MPPED2: variants seen among roughly 807,000 people sequenced by gnomAD.
MPPED2 encodes the protein metallophosphoesterase domain containing 2.
In MPPED2, 5 loss-of-function variants were observed where a neutral mutation model predicts 33.0. The ratio of observed to expected loss-of-function variants is 0.15; its 90% CI spans 0.08 to 0.32. The LOEUF (loss-of-function observed/expected upper bound fraction) is 0.32, where lower values mean the gene tolerates loss of function less well. Among genes scored for constraint, MPPED2 ranks in the 10% least tolerant of loss-of-function variants. The pLI, the probability that MPPED2 is intolerant of heterozygous loss-of-function variation, is 1.00. For synonymous variants in MPPED2, 136 were observed against 141.9 expected (o/e 0.96, Z 0.29); for missense variants, 275 against 372.1 (o/e 0.74, Z 2.15).
chr11:30,405,781 C>T (rs1460302888), downstream of MPPED2, among the ~76,000 whole-genome samples: 8 of 151,450 alleles, frequency 5.3e-5, no homozygotes, highest in Non-Finnish European at 1.2e-4. Flanking sequence ...TTTTTTTTCT[C>T]TTTAGGAAAT....
At chr11:30,401,816 C>A (rs1321650619) in intron 6 of MPPED2, among the ~76,000 whole-genome samples, 1 of 151,358 alleles carries the variant, frequency 6.6e-6, no homozygotes, top group Non-Finnish European at 1.5e-5. Flanking sequence ...TCCTGAGTAG[C>A]TGGGACTACA....
At chr11:30,512,578 G>A (rs187320459) in intron 3 of MPPED2, among the ~76,000 whole-genome samples, 48 of 152,262 alleles carry the variant, frequency 3.2e-4, no homozygotes, top group African/African-American at 1.0e-3. Flanking sequence ...GCCCCTCAGG[G>A]CCCTTGGAAA....
intron 4 of MPPED2, among the ~76,000 whole-genome samples, chr11:30,452,936 A>G (rs1159457731): frequency 1.3e-5 from 2 of 152,158 alleles, no homozygotes; most frequent in African/African-American, 4.8e-5. Flanking sequence ...CATTGCAGAA[A>G]GGGCCCTTCT....
chr11:30,582,384 G>C (rs550181158), intron 1 of MPPED2, among the ~76,000 whole-genome samples: 1 of 152,308 alleles, frequency 6.6e-6, no homozygotes, highest in South Asian at 2.1e-4. Flanking sequence ...ATAAATTAGA[G>C]AGTGGTGTAA....
At chr11:30,497,027 C>T (rs1301404687) in intron 3 of MPPED2, among the ~76,000 whole-genome samples, 7 of 152,090 alleles carry the variant, frequency 4.6e-5, no homozygotes, top group African/African-American at 1.7e-4. Context: ...AAACCAGAAA[C>T]GCTGAGGCCA....
chr11:30,572,560 G>C (rs1956748317), intron 2 of MPPED2, among the ~76,000 whole-genome samples: 1 of 152,188 alleles, frequency 6.6e-6, no homozygotes, highest in Non-Finnish European at 1.5e-5. Context: ...CCATGCTAAT[G>C]TGCAGGACAG....
chr11:30,420,246 G>A (rs1019012617), intron 4 of MPPED2, among the ~76,000 whole-genome samples: 2 of 152,200 alleles, frequency 1.3e-5, no homozygotes, highest in South Asian at 2.1e-4. Context: ...GTGATGCAAT[G>A]TGAGAAGGAC....
chr11:30,402,969 G>A (rs543364674), intron 6 of MPPED2, among the ~76,000 whole-genome samples: 1 of 152,290 alleles, frequency 6.6e-6, no homozygotes, highest in East Asian at 1.9e-4. Flanking sequence ...ATGTAGGCCG[G>A]GCGCAGTGGC....
intron 2 of MPPED2, among the ~76,000 whole-genome samples, chr11:30,548,242 G>A (rs1554999896): frequency 2.0e-5 from 3 of 151,692 alleles, no homozygotes; most frequent in Non-Finnish European, 4.4e-5. Flanking sequence ...AACTGACGGG[G>A]TCTCTCTCTC....
chr11:30,465,851 T>C (rs147281052), intron 4 of MPPED2, among the ~76,000 whole-genome samples: 2 of 152,310 alleles, frequency 1.3e-5, no homozygotes, highest in African/African-American at 2.4e-5. Flanking sequence ...ACTTTTTGTA[T>C]ATATGTGCTG....
chr11:30,476,222 G>T (rs1321922752), intron 4 of MPPED2, among the ~76,000 whole-genome samples: 2 of 151,804 alleles, frequency 1.3e-5, no homozygotes, highest in Non-Finnish European at 2.9e-5. Context: ...ACCACATTTT[G>T]ATTTTTGTAA....
intron 4 of MPPED2, among the ~76,000 whole-genome samples, chr11:30,471,942 A>G (rs928840632): frequency 2.0e-5 from 3 of 152,012 alleles, no homozygotes; most frequent in African/African-American, 7.2e-5. Flanking sequence ...AACCACATGC[A>G]ACCAAATGAC....
chr11:30,505,060 G>A (rs189134328), intron 3 of MPPED2, among the ~76,000 whole-genome samples: 64 of 152,172 alleles, frequency 4.2e-4, no homozygotes, highest in Non-Finnish European at 2.4e-4. Flanking sequence ...ACACAAAGAA[G>A]ACAAAAGTCC....
chr11:30,414,420 C>T (rs975429067), intron 5 of MPPED2, 79 bp from the exon 6 acceptor site: 2 of 905,320 alleles, frequency 2.2e-6, no homozygotes, highest in Non-Finnish European at 3.7e-6. Flanking sequence ...GAAGCCATAA[C>T]TCACAGAAGG....
chr11:30,400,003 CTATT>C (rs1049748171), intron 6 of MPPED2, among the ~76,000 whole-genome samples: 28 of 152,188 alleles, frequency 1.8e-4, no homozygotes, highest in African/African-American at 6.5e-4. Context: ...TGTGGAGAGT[CTATT>C]TATTTATTTT....
chr11:30,455,851 G>A (rs1950258581), intron 4 of MPPED2, among the ~76,000 whole-genome samples: 1 of 152,226 alleles, frequency 6.6e-6, no homozygotes, highest in Non-Finnish European at 1.5e-5. Flanking sequence ...GGCACATGCA[G>A]CACTCGTTAA....
intron 3 of MPPED2, among the ~76,000 whole-genome samples, chr11:30,507,110 T>C (rs1217095612): frequency 6.6e-6 from 1 of 152,236 alleles, no homozygotes; most frequent in Non-Finnish European, 1.5e-5. Context: ...CTTCTTTAAA[T>C]GCATCACAGA....
At chr11:30,483,601 T>G (rs1951589818) in intron 4 of MPPED2, among the ~76,000 whole-genome samples, 1 of 152,192 alleles carries the variant, frequency 6.6e-6, no homozygotes, top group South Asian at 2.1e-4. Flanking sequence ...ATTTTGTTCT[T>G]CAAAGATCAA....
At chr11:30,451,186 A>T (rs1253291096) in intron 4 of MPPED2, among the ~76,000 whole-genome samples, 1 of 152,160 alleles carries the variant, frequency 6.6e-6, no homozygotes, top group Non-Finnish European at 1.5e-5. Flanking sequence ...TGACTACATG[A>T]TCTATAAGCT....
Sources: allele counts gnomAD v4.1 joint callset (sites outside exome capture counted in the v4.1 genomes callset), GRCh38; gene constraint gnomAD v4.1.1; transcripts MANE v1.5; gene names NCBI Gene and HGNC (gene_info 2026-07-23, HGNC 2026-07-21).